SMG5: variants seen among roughly 807,000 people sequenced by gnomAD.
The protein encoded by SMG5 is SMG5 nonsense mediated mRNA decay factor, also known as nonsense-mediated mRNA decay factor SMG5.
SMG5 carries 53 observed loss-of-function variants against 122.9 expected under a neutral mutation model. That is an observed-to-expected ratio of 0.43 (90% CI 0.35 to 0.54). The LOEUF (loss-of-function observed/expected upper bound fraction) is 0.54, where lower values mean the gene tolerates loss of function less well. Ranked by LOEUF, SMG5 falls within the 20% of genes least tolerant of loss-of-function variation. The probability of loss-of-function intolerance (pLI) is 0.01; values close to 1 mark genes in which losing one functional copy is unlikely to be tolerated. For missense variants in SMG5, 1,153 were observed against 1,285.6 expected (o/e 0.90, Z 1.58); for synonymous variants, 477 against 490.2 (o/e 0.97, Z 0.35).
At chr1:156,261,259 T>A in intron 14 of SMG5, 74 bp downstream of exon 14, 1 of 1,412,984 alleles carries the variant, frequency 7.1e-7, no homozygotes, top group Non-Finnish European at 1.0e-6. Flanking sequence ...GGCTGGGTTA[T>A]GGGGAGGGGA....
rs1353336067 is a variant in SMG5, at chr1:156,253,084, G to A, written c.2503-6C>T. ...TCCAGCTGAGACACTTCGAGCTGGT[G>A]AGAGAGGGCAAGGTGGGTACAGCTG... On this transcript the variant is annotated splice_polypyrimidine_tract_variant and splice_region_variant and intron_variant, in intron 17 of 21. Transcript: ENST00000361813. The A allele has an allele frequency of 1.3e-6, 2 of 1,596,334 alleles. No individual in the cohort carries two copies. The highest frequency in any genetic ancestry group is 1.7e-5 in the Admixed American group (1 of 57,914).
Position 156,260,863 on chromosome 1 carries a change from G to T in SMG5, c.2108-237C>A, listed in dbSNP as rs144997532. Among the ~76,000 whole-genome samples the T allele has an allele frequency of 2.0e-3, 311 of 152,314 alleles. 1 individual carries two copies. The highest frequency in any genetic ancestry group is 6.8e-3 in the Admixed American group (104 of 15,296). On this transcript the variant is annotated intron_variant, in intron 14 of 21. Transcript: ENST00000361813. Reference sequence around the variant, plus strand: ...ATGGCTCAGGTCAGGAAGGCTTCCTGACAGCAGGGACAATTACATTGGGAT... The same window carrying T: ...ATGGCTCAGGTCAGGAAGGCTTCCTTACAGCAGGGACAATTACATTGGGAT...
intron 16 of SMG5, among the ~76,000 whole-genome samples, chr1:156,256,395 G>A (rs1661580215): frequency 1.4e-5 from 2 of 147,314 alleles, no homozygotes; most frequent in African/African-American, 5.0e-5. Context: ...GCTCACTGCA[G>A]CCTCAACCTA....
chr1:156,253,215 T>C, intron 17 of SMG5, 137 bp from the exon 18 acceptor site: 1 of 1,077,644 alleles, frequency 9.3e-7, no homozygotes, highest in Non-Finnish European at 1.3e-6. Flanking sequence ...ACCAATGGCT[T>C]TGGGGGAAAA....
At chr1:156,286,053 G>A (rs1485297283), upstream of SMG5, 7 of 1,539,272 alleles carry the variant, frequency 4.5e-6, no homozygotes, top group Non-Finnish European at 6.1e-6. Context: ...CTGGTGTGGG[G>A]AGCAGGAGGA....
intron 15 of SMG5, among the ~76,000 whole-genome samples, chr1:156,259,656 G>C (rs1661731556): frequency 1.3e-5 from 2 of 152,094 alleles, no homozygotes; most frequent in Non-Finnish European, 2.9e-5. Context: ...CGGCCCCCAA[G>C]TAGCTGGGAC....
At position 156,278,953 on chromosome 1, in the gene SMG5, G is replaced by A; in HGVS notation, c.156C>T (p.Asn52=). 6.2e-7 allele frequency: 1 copy of A among 1,614,098 alleles called. No homozygotes were observed. Among genetic ancestry groups the A allele is most frequent in the Non-Finnish European group, 8.5e-7 (1 of 1,179,962 alleles). Residue 52 remains asparagine (N), a synonymous_variant, in exon 2 of 22, where the codon AAC becomes AAT. Transcript: ENST00000361813. ...TAYQEVFKPE[N]ISLRNKLREL... ...TAGCTTACTTGTTCCTCAGGCTAAT[G>A]TTTTCTGGTTTGAATACTTCTTGAT...
chr1:156,250,632 G>T lies in SMG5; in HGVS notation c.3006C>A (p.Ile1002=), dbSNP rs753923456. 2 of 1,614,096 alleles carry T rather than the reference G, an allele frequency of 1.2e-6. No homozygotes were observed. The highest frequency in any genetic ancestry group is 1.7e-6 in the Non-Finnish European group (2 of 1,180,048). Residue 1002 remains isoleucine (I), a synonymous_variant, in exon 22 of 22, where the codon ATC becomes ATA. Transcript: ENST00000361813. ...GCTTGTAGAAGTCCAGAACATTCTT[G>T]ATGTCCACACTGGCGTGGGCAGCGG... The part of the protein sequence containing the change: ...LQAAAHASVD[I]KNVLDFYKQW...
chr1:156,285,696 G>A (rs145060370), upstream of SMG5: 55 of 1,613,474 alleles, frequency 3.4e-5, no homozygotes, highest in African/African-American at 2.0e-4. Flanking sequence ...GGCGAGTGCC[G>A]AACCTTCATG....
chr1:156,261,438 C>T lies in SMG5; in HGVS notation c.2032-30G>A, dbSNP rs758405202. The T allele has an allele frequency of 1.9e-6, 3 of 1,581,802 alleles. No homozygotes were observed. The South Asian group carries it at 3.3e-5, about 18-fold the overall frequency. The stretch of plus-strand genomic sequence containing the variant: ...GGAGAGAGAAGGGAGAGGAGGCCTT[C>T]AGCTAGAGACAGTGGTGGAGAACAG... On this transcript the variant is annotated intron_variant, in intron 13 of 21. Coordinates refer to ENST00000361813, the MANE Select transcript of SMG5 (RefSeq NM_015327.3).
upstream of SMG5, chr1:156,286,530 C>A: frequency 6.4e-7 from 1 of 1,559,422 alleles, no homozygotes; most frequent in Non-Finnish European, 8.8e-7. Flanking sequence ...AGAACCTAGG[C>A]ATCTGAATGT....
the SMG5 span, chr1:156,291,289 C>A: frequency 9.0e-7 from 1 of 1,115,038 alleles, no homozygotes; most frequent in Non-Finnish European, 1.3e-6. Context: ...CCAACTGCAT[C>A]TGCCTCCCCT....
intron 7 of SMG5, among the ~76,000 whole-genome samples, chr1:156,268,909 G>C (rs1662276293): frequency 1.3e-5 from 2 of 151,832 alleles, no homozygotes; most frequent in East Asian, 1.9e-4. Flanking sequence ...GCCTGTGAGA[G>C]AACAAGCACA....
At chr1:156,266,718 T>G (rs899270782) in intron 10 of SMG5, 40 bp from the exon 11 acceptor site, 1 of 1,611,128 alleles carries the variant, frequency 6.2e-7, no homozygotes. Context: ...CCTAGGGCCC[T>G]GATGAGGAGT....
At position 156,255,264 on chromosome 1, in the gene SMG5, G is replaced by A. The variant is rs183918419; in HGVS notation, c.2443-1756C>T. Among the ~76,000 whole-genome samples the A allele has an allele frequency of 1.1e-3, 168 of 152,120 alleles. 1 individual carries two copies. The South Asian group carries it at 0.014, about 13-fold the overall frequency. On this transcript the variant is annotated intron_variant, in intron 16 of 21. Transcript: ENST00000361813. The stretch of plus-strand genomic sequence containing the variant: ...ACTAAAAATACAAAAACTGGGGCCA[G>A]ACACAGTGGCTCATGCCTGTAATCC...
At position 156,263,558 on chromosome 1, in the gene SMG5, C is replaced by G. The variant is rs368127244; in HGVS notation, c.1868G>C (p.Gly623Ala). Residue 623 changes from glycine (G) to alanine (A), a missense_variant, in exon 13 of 22, where the codon GGC becomes GCC. Around this residue, in one of 5 missense-constraint regions of SMG5, gnomAD observed 631 missense variants for 650.6 expected, o/e 0.97. Transcript: ENST00000361813. The part of the protein sequence containing the change: ...DKPSEPASEE[G>A]SESEGSESSG... ...GGACTCACTCCCCTCCGACTCAGAG[C>G]CCTCCTCAGAGGCTGGGGGGTGGGT... The G allele has an allele frequency of 1.2e-6, 2 of 1,613,590 alleles. No homozygotes were observed. The highest frequency in any genetic ancestry group is 1.3e-5 in the African/African-American group (1 of 75,032).
rs1662251650 is a variant in SMG5 at position 156,268,304 on chromosome 1, A to G, written c.825T>C (p.Ser275=). 1.2e-6 allele frequency: 2 copies of G among 1,614,144 alleles called. No individual in the cohort carries two copies. The highest frequency in any genetic ancestry group is 2.2e-5 in the South Asian group (2 of 91,084). ...GCCCCACTCACCGCTTTTTGCCAGG[A>G]GACAGTTTCCGAGTCTCACACTTCT... ...QLKKCETRKL[S]PGKKRCKDIK... is the part of the protein sequence containing the mutation. Residue 275 remains serine (S), a synonymous_variant, in exon 8 of 22, where the codon TCT becomes TCC. Transcript: ENST00000361813.
intron 7 of SMG5, among the ~76,000 whole-genome samples, chr1:156,269,685 C>A (rs1487086894): frequency 1.3e-5 from 2 of 152,128 alleles, no homozygotes; most frequent in Non-Finnish European, 2.9e-5. Context: ...ACCATCCTGG[C>A]TAACACAGTG....
intron 14 of SMG5, among the ~76,000 whole-genome samples, chr1:156,261,017 G>A (rs1442079853): frequency 6.6e-6 from 1 of 152,208 alleles, no homozygotes; most frequent in Non-Finnish European, 1.5e-5. Flanking sequence ...GTAGGTCAAA[G>A]TCAATTCTCA....
Sources: gnomAD v4.1 joint callset for allele counts (sites outside exome capture counted in the v4.1 genomes callset) on GRCh38, gnomAD v4.1.1 for gene constraint, gnomAD v4.1.1 regional missense constraint, MANE v1.5 for transcripts, NCBI Gene and HGNC (gene_info 2026-07-23, HGNC 2026-07-21) for gene names.